Variants in GXYLT1 observed in about 807,000 individuals in gnomAD.
GXYLT1 encodes glucoside xylosyltransferase 1, also known as glycosyltransferase 8 domain containing 3.
Under a neutral mutation model 54.0 loss-of-function variants are expected in GXYLT1, and 29 were observed. That is an observed-to-expected ratio of 0.54 (90% CI 0.40 to 0.73). GXYLT1 has a LOEUF of 0.73. Ranked by LOEUF, GXYLT1 falls within the 30% of genes least tolerant of loss-of-function variation. The pLI is 0.00. For missense variants in GXYLT1, 490 were observed against 553.4 expected (o/e 0.89, Z 1.15); for synonymous variants, 176 against 204.1 (o/e 0.86, Z 1.17).
At position 42,144,733 on chromosome 12, in the gene GXYLT1, G is replaced by C. The variant is rs975467717; in HGVS notation, c.-87C>G. 9.3e-7 allele frequency: 1 copy of C among 1,075,498 alleles called. No individual in the cohort carries two copies. The highest frequency in any genetic ancestry group is 1.2e-6 in the Non-Finnish European group (1 of 828,112). 66.6% of individuals were successfully genotyped at this position (1,075,498 alleles called of 1,614,324 possible). A position where few individuals can be genotyped will look rare whatever the true frequency, so the allele number is the denominator to read the frequency against. ...AGGGAGGGGCACCGCGCAGCCGCGG[G>C]CGCAACAAGTTCCTCACCCGCAGCC... is the stretch of plus-strand genomic sequence containing the variant. On this transcript the variant is annotated 5_prime_UTR_variant, in exon 1 of 8. Coordinates refer to ENST00000398675, the MANE Select transcript of GXYLT1 (RefSeq NM_173601.2).
At chr12:42,113,959 C>T (rs571869964) in intron 3 of GXYLT1, among the ~76,000 whole-genome samples, 1 of 152,198 alleles carries the variant, frequency 6.6e-6, no homozygotes, top group East Asian at 1.9e-4. Flanking sequence ...CAAACTAGAA[C>T]TCAGGATTAA....
At position 42,115,598 on chromosome 12, in the gene GXYLT1, C is replaced by G. The variant is rs1480448616; in HGVS notation, c.486+3402G>C. ...GGGATGTGAAGGACCTCTTCAAGGA[C>G]AACTACAAACCACTGCTCAATGAAA... is the stretch of plus-strand genomic sequence containing the variant. On this transcript the variant is annotated intron_variant, in intron 3 of 7. Transcript: ENST00000398675. Among the ~76,000 whole-genome samples the G allele has an allele frequency of 5.9e-5, 9 of 152,060 alleles. No individual in the cohort carries two copies. In the East Asian group the frequency reaches 9.7e-4, roughly 16 times the overall value.
intron 5 of GXYLT1, among the ~76,000 whole-genome samples, chr12:42,101,863 C>T (rs1456934264): frequency 2.6e-5 from 4 of 152,134 alleles, no homozygotes; most frequent in African/African-American, 9.7e-5. Context: ...TGAGCCACTG[C>T]ACCCAGCCTC....
At position 42,143,335 on chromosome 12, in the gene GXYLT1, A is replaced by C. The variant is rs147556771; in HGVS notation, c.221+1091T>G. 2.8e-3 allele frequency among the ~76,000 whole-genome samples: 432 copies of C among 152,318 alleles called. 1 individual carries two copies. Among genetic ancestry groups the C allele is most frequent in the African/African-American group, 9.3e-3 (385 of 41,564 alleles). ...CAGTGACTGCTTTCTCCCAGGACAG[A>C]CAACTGAGGGTCCTGATGTAGGAAT... On this transcript the variant is annotated intron_variant, in intron 1 of 7. Coordinates refer to ENST00000398675, the MANE Select transcript of GXYLT1 (RefSeq NM_173601.2).
At chr12:42,143,353 G>A (rs746471908) in intron 1 of GXYLT1, among the ~76,000 whole-genome samples, 2 of 152,204 alleles carry the variant, frequency 1.3e-5, no homozygotes, top group Non-Finnish European at 2.9e-5. Context: ...GGGTCCTGAT[G>A]TAGGAATTAC....
chr12:42,121,140 C>G (rs989990171), intron 2 of GXYLT1, among the ~76,000 whole-genome samples: 4 of 152,162 alleles, frequency 2.6e-5, no homozygotes, highest in Admixed American at 6.5e-5. Context: ...GTAACTGCCT[C>G]CAGATCCTAC....
chr12:42,098,083 G>A, intron 5 of GXYLT1, 50 bp from the exon 6 acceptor site: 1 of 1,573,598 alleles, frequency 6.4e-7, no homozygotes, highest in Non-Finnish European at 8.7e-7. Context: ...GCTTAAAATG[G>A]CAGCATGATG....
chr12:42,105,586 T>C (rs2065414357), intron 5 of GXYLT1, among the ~76,000 whole-genome samples: 1 of 152,206 alleles, frequency 6.6e-6, no homozygotes, highest in African/African-American at 2.4e-5. Context: ...GGCATTGTTA[T>C]TTTACTCCAT....
intron 3 of GXYLT1, among the ~76,000 whole-genome samples, chr12:42,111,538 C>T (rs544267999): frequency 6.6e-6 from 1 of 152,330 alleles, no homozygotes; most frequent in South Asian, 2.1e-4. Context: ...ACTGCTAGCA[C>T]AGCAGTCCGA....
rs112258528 is a variant in GXYLT1 at position 42,087,722 on chromosome 12, G to A, written c.*64C>T. On this transcript the variant is annotated 3_prime_UTR_variant, in exon 8 of 8. Transcript: ENST00000398675. The stretch of plus-strand genomic sequence containing the variant: ...CCTTCCTGAATACTTCATCCAAGAC[G>A]ATTCCTTCACACTTATCTTCTGATT... 9.7e-4 allele frequency: 1,157 copies of A among 1,195,856 alleles called. 8 individuals are homozygous for A. In the African/African-American group the frequency reaches 0.017, roughly 17 times the overall value. 74.1% of individuals were successfully genotyped at this position (1,195,856 alleles called of 1,614,324 possible).
At chr12:42,095,343 T>C (rs2136877551) in intron 7 of GXYLT1, among the ~76,000 whole-genome samples, 1 of 152,282 alleles carries the variant, frequency 6.6e-6, no homozygotes, top group African/African-American at 2.4e-5. Context: ...CTGCATTATT[T>C]ATAATTCAAG....
intron 1 of GXYLT1, among the ~76,000 whole-genome samples, chr12:42,135,227 T>C (rs1226525672): frequency 6.6e-6 from 1 of 152,242 alleles, no homozygotes; most frequent in Admixed American, 6.5e-5. Flanking sequence ...ATCCAATGTA[T>C]GGATTGCTCC....
chr12:42,144,439 C>T lies in GXYLT1; in HGVS notation c.208G>A (p.Gly70Ser), dbSNP rs2065668893. ...AACTGCCCGTACCTGTCCGACACGC[C>T]GGGATGCGCTGCGGGGCCCGCGACG... ...AGVAGPAAHP[G>S]VSDRCKDFSL... The change falls in exon 1 of 8, where the codon GGC (glycine) becomes AGC (serine). Residue 70 changes from glycine to serine, a missense_variant. This residue lies in a region of GXYLT1 where 148 missense variants were observed against 210.7 expected (regional missense o/e 0.70). Coordinates refer to ENST00000398675, the MANE Select transcript of GXYLT1 (RefSeq NM_173601.2). 1 of 1,320,854 alleles carries T rather than the reference C, an allele frequency of 7.6e-7. No individual in the cohort carries two copies. The highest frequency in any genetic ancestry group is 9.6e-7 in the Non-Finnish European group (1 of 1,041,662). 81.8% of individuals were successfully genotyped at this position (1,320,854 alleles called of 1,614,324 possible). A position where few individuals can be genotyped will look rare whatever the true frequency, so the allele number is the denominator to read the frequency against.
At chr12:42,103,047 G>A (rs2065399152) in intron 5 of GXYLT1, among the ~76,000 whole-genome samples, 1 of 151,650 alleles carries the variant, frequency 6.6e-6, no homozygotes, top group African/African-American at 2.4e-5. Flanking sequence ...TGCAACCTCT[G>A]CCTCCCTGGT....
Position 42,119,106 on chromosome 12 carries a change from A to C in GXYLT1, c.380T>G (p.Leu127Arg). The change falls in exon 3 of 8, where the codon CTG becomes CGG. Residue 127 changes from leucine to arginine, a missense_variant. Around this residue, in one of 2 missense-constraint regions of GXYLT1, gnomAD observed 148 missense variants for 210.7 expected, o/e 0.70. Transcript: ENST00000398675. ...CTTCAACATGGTCATAGTTTCTTCC[A>C]GTCTTTCACCACAGGCAACTACAGC... is the stretch of plus-strand genomic sequence containing the variant. ...HLAVVACGER[L>R]EETMTMLKSA... The C allele has an allele frequency of 6.2e-7, 1 of 1,613,766 alleles. No homozygotes were observed. The highest frequency in any genetic ancestry group is 8.5e-7 in the Non-Finnish European group (1 of 1,179,624).
chr12:42,124,364 TG>T (rs2065548492), intron 2 of GXYLT1, among the ~76,000 whole-genome samples: 1 of 152,034 alleles, frequency 6.6e-6, no homozygotes, highest in Admixed American at 6.5e-5. Context: ...ATTTAGAGTT[TG>T]TATAATGAAA....
rs1202904428 is a variant in GXYLT1 at position 42,082,575 on chromosome 12, C to T, written c.*5211G>A. ...CTCTCTGCAGCCTCAAACTCTTGCA[C>T]TCAAGCAATCCTCCTGCCTCAACTT... On this transcript the variant is annotated 3_prime_UTR_variant, in exon 8 of 8. Transcript: ENST00000398675. 1 of 152,208 alleles carries T rather than the reference C, an allele frequency of 6.6e-6. No individual in the cohort carries two copies. Among genetic ancestry groups the T allele is most frequent in the Non-Finnish European group, 1.5e-5 (1 of 68,056 alleles). The allele number at this position is 152,208 out of a possible 1,614,324, so 9.4% of individuals were successfully genotyped here. A position where few individuals can be genotyped will look rare whatever the true frequency, so the allele number is the denominator to read the frequency against.
At chr12:42,119,692 C>T (rs543182404) in intron 2 of GXYLT1, among the ~76,000 whole-genome samples, 9 of 151,736 alleles carry the variant, frequency 5.9e-5, no homozygotes, top group Non-Finnish European at 1.0e-4. Context: ...CCTGTAGCCC[C>T]GGCTACTCAG....
At chr12:42,097,771 GA>G in intron 6 of GXYLT1, 138 bp downstream of exon 6, 1 of 1,012,264 alleles carries the variant, frequency 9.9e-7, no homozygotes, top group Non-Finnish European at 1.4e-6. Flanking sequence ...CAAAATTCAA[GA>G]AAAGTTTTAC....
Sources: allele counts gnomAD v4.1 joint callset (sites outside exome capture counted in the v4.1 genomes callset), GRCh38; gene constraint gnomAD v4.1.1; regional missense constraint gnomAD v4.1.1; transcripts MANE v1.5; gene names NCBI Gene and HGNC (gene_info 2026-07-23, HGNC 2026-07-21).